The following RARB variants were observed in gnomAD, a reference collection of about 807,000 sequenced individuals.
The protein encoded by RARB is HBV-activated protein.
A neutral mutation model predicts 51.9 loss-of-function variants in RARB; 17 were observed. That is an observed-to-expected ratio of 0.33 (90% CI 0.22 to 0.49). The LOEUF (loss-of-function observed/expected upper bound fraction) is 0.49. Among genes scored for constraint, RARB ranks in the 20% least tolerant of loss-of-function variants. The pLI, the probability that RARB is intolerant of heterozygous loss-of-function variation, is 0.99. For synonymous variants in RARB, 215 were observed against 195.4 expected (o/e 1.10, Z -0.84); for missense variants, 369 against 550.8 (o/e 0.67, Z 3.30).
intron 5 of RARB, among the ~76,000 whole-genome samples, chr3:25,370,858 C>T (rs944564296): frequency 2.6e-5 from 4 of 152,192 alleles, no homozygotes; most frequent in Non-Finnish European, 5.9e-5. Flanking sequence ...TAGAGTTGCA[C>T]TCACTCCAGA....
chr3:24,952,497 C>A (rs114527749), intron 2 of RARB, among the ~76,000 whole-genome samples: 2 of 152,102 alleles, frequency 1.3e-5, no homozygotes, highest in African/African-American at 4.8e-5. Context: ...ACCTGCACTC[C>A]GGCGCTAACT....
chr3:25,232,456 T>A (rs539269366), intron 5 of RARB, among the ~76,000 whole-genome samples: 1 of 152,158 alleles, frequency 6.6e-6, no homozygotes, highest in East Asian at 1.9e-4. Context: ...ATCTAGTATA[T>A]CTCTATGTAT....
intron 5 of RARB, among the ~76,000 whole-genome samples, chr3:25,175,491 C>T (rs998906896): frequency 6.6e-6 from 1 of 152,076 alleles, no homozygotes; most frequent in East Asian, 1.9e-4. Flanking sequence ...ATTGGGATAC[C>T]ACCTTAATCT....
intron 5 of RARB, among the ~76,000 whole-genome samples, chr3:25,326,351 T>C (rs1270361335): frequency 2.0e-5 from 3 of 152,164 alleles, no homozygotes; most frequent in Non-Finnish European, 2.9e-5. Context: ...CAAAGGTTTA[T>C]ATTTCCTGAA....
chr3:25,581,816 C>G lies in RARB; in HGVS notation c.786+1094C>G, dbSNP rs182932653. On this transcript the variant is annotated intron_variant, in intron 5 of 7. Coordinates refer to ENST00000330688, the MANE Select transcript of RARB (RefSeq NM_000965.5). The stretch of plus-strand genomic sequence containing the variant: ...GATATAGCAGGAAGGCAGCTGTGAC[C>G]TAAGATGAGAGCCCTCACCAAGAAC... 1.2e-3 allele frequency among the ~76,000 whole-genome samples: 181 copies of G among 152,198 alleles called. 2 individuals are homozygous for G. The highest frequency in any genetic ancestry group is 4.2e-3 in the African/African-American group (175 of 41,524).
intron 3 of RARB, among the ~76,000 whole-genome samples, chr3:25,123,826 T>C (rs1429426772): frequency 2.0e-5 from 3 of 152,162 alleles, no homozygotes; most frequent in Non-Finnish European, 4.4e-5. Context: ...TCATCTACTA[T>C]CTCTAATGTT....
chr3:25,473,921 G>GAAAAGAAAAA (rs1695828151), intron 2 of RARB, among the ~76,000 whole-genome samples: 1 of 108,322 alleles, frequency 9.2e-6, no homozygotes, highest in Admixed American at 1.0e-4. Flanking sequence ...TGTCTGGCAG[G>GAAAAGAAAAA]AAAAAAAAAA....
chr3:25,120,631 A>G (rs369882471), intron 3 of RARB, among the ~76,000 whole-genome samples: 32 of 151,696 alleles, frequency 2.1e-4, no homozygotes, highest in African/African-American at 6.8e-4. Context: ...GGTAAGTTAT[A>G]TATTGTTAAC....
chr3:25,160,009 A>T (rs975644705), intron 4 of RARB, among the ~76,000 whole-genome samples: 3 of 152,212 alleles, frequency 2.0e-5, no homozygotes, highest in African/African-American at 7.2e-5. Flanking sequence ...ATTCTTAAGT[A>T]CAAAACGTTT....
chr3:25,377,016 AG>A (rs1706481728), intron 5 of RARB, among the ~76,000 whole-genome samples: 1 of 151,576 alleles, frequency 6.6e-6, no homozygotes, highest in Non-Finnish European at 1.5e-5. Flanking sequence ...GTATTAGTTT[AG>A]TTTGTTTGTT....
chr3:25,306,564 C>A lies in RARB; in HGVS notation c.178+131989C>A, dbSNP rs79040167. Among the ~76,000 whole-genome samples, 232 of 151,642 alleles carry A rather than the reference C, an allele frequency of 1.5e-3. 5 individuals carry two copies. The East Asian group carries it at 0.035, about 23-fold the overall frequency. ...AGGAGGAAAGAAAGAAACCCTGTTA[C>A]GTGAGGAAAATTGCATTGGAATGCT... is the stretch of plus-strand genomic sequence containing the variant. On this transcript the variant is annotated intron_variant, in intron 5 of 11. Coordinates refer to the RARB transcript ENST00000383772.
chr3:25,156,336 T>C (rs1293013906), intron 4 of RARB, among the ~76,000 whole-genome samples: 1 of 152,118 alleles, frequency 6.6e-6, no homozygotes, highest in Non-Finnish European at 1.5e-5. Context: ...TGCTAATAGT[T>C]GTGGAATCTC....
At chr3:24,901,585 C>A (rs1703607253) in intron 2 of RARB, among the ~76,000 whole-genome samples, 1 of 152,092 alleles carries the variant, frequency 6.6e-6, no homozygotes, top group Non-Finnish European at 1.5e-5. Flanking sequence ...ATTATCAAAG[C>A]CTTTGGTAAT....
At chr3:25,549,083 C>G (rs1268230794) in intron 3 of RARB, among the ~76,000 whole-genome samples, 1 of 151,596 alleles carries the variant, frequency 6.6e-6, no homozygotes, top group Non-Finnish European at 1.5e-5. Context: ...GCTTACAGCT[C>G]CATTTGATCT....
At chr3:24,890,544 T>C (rs966690397) in intron 2 of RARB, among the ~76,000 whole-genome samples, 11 of 151,608 alleles carry the variant, frequency 7.3e-5, no homozygotes, top group Admixed American at 2.0e-4. Flanking sequence ...AGTCTGGGAG[T>C]TGGAAATCAG....
At chr3:24,980,831 G>A (rs1696648350) in intron 2 of RARB, among the ~76,000 whole-genome samples, 1 of 152,140 alleles carries the variant, frequency 6.6e-6, no homozygotes, top group African/African-American at 2.4e-5. Flanking sequence ...TGTTCCTTTG[G>A]AGGAGAAGAG....
chr3:25,569,874 C>G lies in RARB; in HGVS notation c.565C>G (p.Gln189Glu), dbSNP rs1474740757. 1.2e-6 allele frequency: 2 copies of G among 1,614,170 alleles called. No individual in the cohort carries two copies. Among genetic ancestry groups the G allele is most frequent in the South Asian group, 2.2e-5 (2 of 91,080 alleles). ...DLTEKIRKAH[Q>E]ETFPSLCQLG... ...CACAGAGAAGATCCGAAAAGCTCAC[C>G]AGGAAACTTTCCCTTCACTCTGCCA... Residue 189 changes from glutamine (Q) to glutamate (E), a missense_variant, in exon 4 of 8, where the codon CAG becomes GAG. Coordinates refer to ENST00000330688, the MANE Select transcript of RARB (RefSeq NM_000965.5).
chr3:25,075,901 T>A (rs1698861728), intron 3 of RARB, among the ~76,000 whole-genome samples: 1 of 152,170 alleles, frequency 6.6e-6, no homozygotes, highest in African/African-American at 2.4e-5. Context: ...CACTTCAGTT[T>A]GTAGACTAAC....
chr3:24,840,122 T>G (rs1401969447), intron 1 of RARB, among the ~76,000 whole-genome samples: 1 of 152,194 alleles, frequency 6.6e-6, no homozygotes, highest in Non-Finnish European at 1.5e-5. Context: ...AGCACCTAAT[T>G]CAGAGGTTGT....
Sources: allele counts gnomAD v4.1 joint callset (sites outside exome capture counted in the v4.1 genomes callset), GRCh38; gene constraint gnomAD v4.1.1; transcripts MANE v1.5; gene names NCBI Gene and HGNC (gene_info 2026-07-23, HGNC 2026-07-21).